WWP1: variants seen among roughly 807,000 people sequenced by gnomAD.
The protein encoded by WWP1 is WW domain containing E3 ubiquitin protein ligase 1.
Under a neutral mutation model 130.6 loss-of-function variants are expected in WWP1, and 49 were observed. The ratio of observed to expected loss-of-function variants is 0.38; its 90% confidence interval spans 0.30 to 0.48. The LOEUF (loss-of-function observed/expected upper bound fraction) is 0.48, where lower values mean the gene tolerates loss of function less well. WWP1 is among the 20% of genes least tolerant of loss of function. The pLI is 0.99. For synonymous variants in WWP1, 332 were observed against 367.8 expected (o/e 0.90, Z 1.11); for missense variants, 809 against 1,100.6 (o/e 0.74, Z 3.75).
intron 1 of WWP1, among the ~76,000 whole-genome samples, chr8:86,352,169 C>T (rs999334748): frequency 6.6e-6 from 1 of 151,648 alleles, no homozygotes; most frequent in African/African-American, 2.4e-5. Flanking sequence ...CTTAGCCTCC[C>T]TAGTAGTTGG....
intron 5 of WWP1, among the ~76,000 whole-genome samples, chr8:86,396,377 G>A (rs1002993625): frequency 2.0e-5 from 3 of 152,142 alleles, no homozygotes; most frequent in Non-Finnish European, 4.4e-5. Context: ...GGGATTACAG[G>A]CGTGAGCCAC....
Position 86,468,001 on chromosome 8 carries a change from A to G in WWP1, c.*1108A>G, listed in dbSNP as rs369833686. The stretch of plus-strand genomic sequence containing the variant: ...CACAGATAATTATTTTTGTCATAAC[A>G]CTTTTTAATTGTTTTTCATCATAGG... On this transcript the variant is annotated 3_prime_UTR_variant, in exon 25 of 25. Transcript: ENST00000517970. 2.9e-4 allele frequency: 45 copies of G among 153,940 alleles called. No homozygotes were observed. Among genetic ancestry groups the G allele is most frequent in the African/African-American group, 9.4e-4 (39 of 41,592 alleles). 9.5% of individuals were successfully genotyped at this position (153,940 alleles called of 1,614,324 possible).
At chr8:86,349,166 C>G (rs111760950) in intron 1 of WWP1, among the ~76,000 whole-genome samples, 8,262 of 152,230 alleles carry the variant, frequency 0.054, 317 homozygotes, top group Non-Finnish European at 0.086. Context: ...GGATTACAGG[C>G]GTGCACCACC....
chr8:86,459,023 C>CTTTTT (rs71275853), intron 22 of WWP1, among the ~76,000 whole-genome samples: 542 of 83,782 alleles, frequency 6.5e-3, no homozygotes, highest in East Asian at 0.01. Context: ...TTTCTTTTTT[C>CTTTTT]TTTTTTTTTT....
intron 18 of WWP1, among the ~76,000 whole-genome samples, chr8:86,445,909 T>A (rs12678772): frequency 0.27 from 40,749 of 151,394 alleles, 6,359 homozygotes; most frequent in East Asian, 0.54. Context: ...TGATTAGTGA[T>A]GTTGAGCATT....
At position 86,398,419 on chromosome 8, in the gene WWP1, G is replaced by C. The variant is rs767281746; in HGVS notation, c.412G>C (p.Val138Leu). ...AGCACAAACTGGTGAATTGACAGTT[G>C]TGCTTGATGGATTGGTGATTGAGCA... ...GIAQTGELTV[V>L]LDGLVIEQEN... is the part of the protein sequence containing the mutation. Residue 138 changes from valine to leucine, a missense_variant, in exon 6 of 25, where the codon GTG becomes CTG. Val to Leu is a conservative substitution (Grantham distance 32, BLOSUM62 1). Transcript: ENST00000517970. The C allele has an allele frequency of 6.2e-7, 1 of 1,612,836 alleles. No homozygotes were observed. Among genetic ancestry groups the C allele is most frequent in the Non-Finnish European group, 8.5e-7 (1 of 1,179,286 alleles).
In WWP1 at chr8:86,442,500, G is replaced by T. The variant is rs1810644086; in HGVS notation, c.1839-119G>T. 5 of 931,094 alleles carry T rather than the reference G, an allele frequency of 5.4e-6. No individual in the cohort carries two copies. The Admixed American group carries it at 1.4e-4, about 25-fold the overall frequency. The allele number at this position is 931,094 out of a possible 1,614,324, so 57.7% of individuals were successfully genotyped here. ...CTTGGATAGAGGGCCAAAGAATTGG[G>T]CAGTGGAGTTCTTAAAGACTGTTGA... On this transcript the variant is annotated intron_variant, in intron 17 of 24. Coordinates refer to ENST00000517970, the MANE Select transcript of WWP1 (RefSeq NM_007013.4).
At chr8:86,382,712 A>C (rs1825050957) in intron 5 of WWP1, among the ~76,000 whole-genome samples, 1 of 152,166 alleles carries the variant, frequency 6.6e-6, no homozygotes, top group Non-Finnish European at 1.5e-5. Flanking sequence ...ACCCGCAAAA[A>C]ACCAGGGTTC....
chr8:86,431,577 G>T, intron 13 of WWP1, 38 bp from the exon 14 acceptor site: 1 of 1,612,522 alleles, frequency 6.2e-7, no homozygotes, highest in Non-Finnish European at 8.5e-7. Flanking sequence ...TTAGTACCTA[G>T]AAAAGGTTCA....
chr8:86,380,701 CA>C, intron 3 of WWP1, 24 bp from the exon 4 acceptor site: 1 of 1,593,686 alleles, frequency 6.3e-7, no homozygotes, highest in Non-Finnish European at 8.5e-7. Context: ...AACACATACT[CA>C]CTAGTGAATT....
chr8:86,398,313 C>G (rs1296217523), intron 5 of WWP1, 29 bp from the exon 6 acceptor site: 2 of 1,554,932 alleles, frequency 1.3e-6, no homozygotes, highest in African/African-American at 2.7e-5. Flanking sequence ...GTGGCAAAAG[C>G]TTTTAAATTA....
intron 17 of WWP1, among the ~76,000 whole-genome samples, chr8:86,439,159 C>T (rs12543544): frequency 0.27 from 40,973 of 151,648 alleles, 6,385 homozygotes; most frequent in East Asian, 0.53. Context: ...CTGGCTAACA[C>T]GGTGAAACCC....
rs551290807 is a variant in WWP1 at position 86,389,761 on chromosome 8, C to A, written c.334+8132C>A. ...CAGAGGCGCCCCCCCACCCACCTCC[C>A]GGATGGGGCGGCTGCCCGGCGGAGG... is the stretch of plus-strand genomic sequence containing the variant. On this transcript the variant is annotated intron_variant, in intron 5 of 24. Coordinates refer to ENST00000517970, the MANE Select transcript of WWP1 (RefSeq NM_007013.4). 3.5e-4 allele frequency among the ~76,000 whole-genome samples: 51 copies of A among 146,972 alleles called. No individual in the cohort carries two copies. In the East Asian group the frequency reaches 0.011, roughly 32 times the overall value.
chr8:86,447,780 G>A (rs1810963964), intron 18 of WWP1, among the ~76,000 whole-genome samples: 1 of 152,166 alleles, frequency 6.6e-6, no homozygotes, highest in African/African-American at 2.4e-5. Flanking sequence ...AGCAGTGAGA[G>A]TAAGAAACGA....
chr8:86,388,361 C>T (rs2130412988), intron 5 of WWP1, among the ~76,000 whole-genome samples: 1 of 152,008 alleles, frequency 6.6e-6, no homozygotes, highest in Middle Eastern at 3.4e-3. Flanking sequence ...CTCAAGCGAT[C>T]CTCCCACCAC....
intron 1 of WWP1, among the ~76,000 whole-genome samples, chr8:86,346,422 C>CA (rs1028203626): frequency 1.7e-4 from 26 of 150,564 alleles, no homozygotes; most frequent in East Asian, 5.8e-4. Context: ...GACTCTGTCT[C>CA]AAAAAAAAAG....
At chr8:86,402,282 C>A in intron 8 of WWP1, 79 bp downstream of exon 8, 1 of 1,466,358 alleles carries the variant, frequency 6.8e-7, no homozygotes, top group South Asian at 1.4e-5. Flanking sequence ...CTACACTTCC[C>A]TTTTTGTGTA....
At chr8:86,382,207 T>A (rs1164989909) in intron 5 of WWP1, among the ~76,000 whole-genome samples, 1 of 152,184 alleles carries the variant, frequency 6.6e-6, no homozygotes, top group Non-Finnish European at 1.5e-5. Context: ...TTCTAGAAAT[T>A]TAACAATATA....
chr8:86,354,768 T>C lies in WWP1; in HGVS notation c.-115+11838T>C, dbSNP rs527833877. ...TTACCTACTTTTCTCTATATTGTTGTGGAAGTATGGAAGAAAAATATTGAG... is the reference window on the plus strand; with the variant it reads ...TTACCTACTTTTCTCTATATTGTTGCGGAAGTATGGAAGAAAAATATTGAG... On this transcript the variant is annotated intron_variant, in intron 1 of 24. Transcript: ENST00000517970. 5.9e-5 allele frequency among the ~76,000 whole-genome samples: 9 copies of C among 152,230 alleles called. No individual in the cohort carries two copies. The South Asian group carries it at 1.7e-3, about 28-fold the overall frequency.
Sources: gnomAD v4.1 joint callset for allele counts (sites outside exome capture counted in the v4.1 genomes callset) on GRCh38, gnomAD v4.1.1 for gene constraint, MANE v1.5 for transcripts, NCBI Gene and HGNC (gene_info 2026-07-23, HGNC 2026-07-21) for gene names.